Variants in TSPEAR observed in about 807,000 individuals in gnomAD.
TSPEAR encodes thrombospondin type laminin G domain and EAR repeats.
In TSPEAR, 69 loss-of-function variants were observed where a neutral mutation model predicts 71.6. That is an observed-to-expected ratio of 0.96 (90% CI 0.79 to 1.18). The LOEUF (loss-of-function observed/expected upper bound fraction) is 1.18, where lower values mean the gene tolerates loss of function less well. TSPEAR is among the 50% of genes most tolerant of loss of function. The probability of loss-of-function intolerance (pLI) is 0.00; values close to 1 mark genes in which losing one functional copy is unlikely to be tolerated. For synonymous variants in TSPEAR, 402 were observed against 387.2 expected, an observed-to-expected ratio of 1.04 and a Z score of -0.45; for missense variants, 971 against 894.9, an observed-to-expected ratio of 1.09 and a Z score of -1.09.
chr21:44,564,505 A>C (rs1481917820), intron 2 of TSPEAR, among the ~76,000 whole-genome samples: 1 of 152,188 alleles, frequency 6.6e-6, no homozygotes, highest in Non-Finnish European at 1.5e-5. Context: ...CGATAAAATA[A>C]ATTTTAAAAC....
rs1980130224 is a variant in TSPEAR, at chr21:44,593,362, G to A, written c.83-25357C>T. Among the ~76,000 whole-genome samples the A allele has an allele frequency of 1.3e-5, 2 of 152,154 alleles. No homozygotes were observed. Among genetic ancestry groups the A allele is most frequent in the African/African-American group, 4.8e-5 (2 of 41,432 alleles). On this transcript the variant is annotated intron_variant, in intron 1 of 11. Transcript: ENST00000323084. This position sits in a 1 kb window ranked among gnomAD's most constrained non-coding sequence, Gnocchi z 5.9. ...GCCCTGTCTTCCAAGCCCTGTGCCA[G>A]GCCTCTTAGTGTCACCACCTTAAAA...
At chr21:44,641,414 T>TA (rs1984013663) in intron 1 of TSPEAR, among the ~76,000 whole-genome samples, 1 of 152,132 alleles carries the variant, frequency 6.6e-6, no homozygotes, top group African/African-American at 2.4e-5. Context: ...GCAGAATTGC[T>TA]GATACAGTGA....
At chr21:44,697,186 C>T in intron 1 of TSPEAR, 2 of 1,610,210 alleles carry the variant, frequency 1.2e-6, no homozygotes, top group Non-Finnish European at 1.7e-6. Context: ...CAACCCCCAG[C>T]ACGGCTGCAT....
At chr21:44,705,686 G>A (rs1355017247) in intron 1 of TSPEAR, among the ~76,000 whole-genome samples, 1 of 152,072 alleles carries the variant, frequency 6.6e-6, no homozygotes, top group Non-Finnish European at 1.5e-5. Context: ...AATAAATTTT[G>A]GTCAGACCGG....
intron 11 of TSPEAR, among the ~76,000 whole-genome samples, chr21:44,500,371 G>A (rs1415289930): frequency 1.3e-5 from 2 of 152,210 alleles, no homozygotes; most frequent in Non-Finnish European, 2.9e-5. Flanking sequence ...GCGGCCCCAC[G>A]TCAGGGGCTG....
chr21:44,584,544 T>C (rs1601447133), intron 1 of TSPEAR, among the ~76,000 whole-genome samples: 2 of 152,244 alleles, frequency 1.3e-5, no homozygotes, highest in East Asian at 3.8e-4. Flanking sequence ...AGTTTTTCTT[T>C]AACATAGGCA....
At chr21:44,626,549 TC>T (rs1982795224) in intron 1 of TSPEAR, among the ~76,000 whole-genome samples, 3 of 152,206 alleles carry the variant, frequency 2.0e-5, no homozygotes, top group African/African-American at 4.8e-5. Context: ...GAGCCCACGA[TC>T]CCTGCCCTGG....
Position 44,522,028 on chromosome 21 carries a change from G to A in TSPEAR, c.1421C>T (p.Ser474Phe). Reference protein sequence around the residue: ...LFEANQTIATSGAYDWEFFSV... With the variant: ...LFEANQTIATFGAYDWEFFSV... ...GAAGAACTCCCAGTCGTAGGCGCCG[G>A]AGGTGGCGATGGTCTGGTTGGCCTC... The change falls in exon 9 of 12, where the codon TCC becomes TTC. Residue 474 changes from serine to phenylalanine, a missense_variant. Transcript: ENST00000323084. 6.2e-7 allele frequency: 1 copy of A among 1,614,204 alleles called. No individual in the cohort carries two copies. Among genetic ancestry groups the A allele is most frequent in the Non-Finnish European group, 8.5e-7 (1 of 1,180,024 alleles).
At chr21:44,680,890 G>A (rs1986550724) in intron 1 of TSPEAR, among the ~76,000 whole-genome samples, 1 of 152,198 alleles carries the variant, frequency 6.6e-6, no homozygotes, top group Non-Finnish European at 1.5e-5. Flanking sequence ...AGTGAGTTTG[G>A]TTAATGGGTA....
intron 9 of TSPEAR, among the ~76,000 whole-genome samples, chr21:44,513,199 C>T (rs1335013702): frequency 1.3e-5 from 2 of 152,210 alleles, no homozygotes; most frequent in Non-Finnish European, 2.9e-5. Flanking sequence ...CGGTCATTGT[C>T]ATTGGCTATT....
chr21:44,539,538 C>T lies in TSPEAR; in HGVS notation c.304-5615G>A, dbSNP rs200992131. ...TGCTGGCAGCATGAAGTGGAAGCCC[C>T]AGAGCAGACGGGCACACAGCAGATG... On this transcript the variant is annotated intron_variant, in intron 2 of 11. Transcript: ENST00000323084. 1,017 of 1,612,712 alleles carry T rather than the reference C, an allele frequency of 6.3e-4. 1 individual carries two copies. Among genetic ancestry groups the T allele is most frequent in the Non-Finnish European group, 8.2e-4 (965 of 1,179,588 alleles).
rs782515726 is a variant in TSPEAR at position 44,627,282 on chromosome 21, C to T, written c.83-59277G>A. On this transcript the variant is annotated intron_variant, in intron 1 of 11. Coordinates refer to ENST00000323084, the MANE Select transcript of TSPEAR (RefSeq NM_144991.3). ...CCCCCTGCTGCGCCACCAGCTGCTGCGCCCCGGCCCCCTGCCTGACCCTGG... is the reference window on the plus strand; with the variant it reads ...CCCCCTGCTGCGCCACCAGCTGCTGTGCCCCGGCCCCCTGCCTGACCCTGG... 68 of 1,612,372 alleles carry T rather than the reference C, an allele frequency of 4.2e-5. No individual in the cohort carries two copies. In the East Asian group the frequency reaches 9.8e-4, roughly 23 times the overall value.
chr21:44,670,406 G>C (rs1985999938), intron 1 of TSPEAR, among the ~76,000 whole-genome samples: 1 of 152,122 alleles, frequency 6.6e-6, no homozygotes, highest in Non-Finnish European at 1.5e-5. Flanking sequence ...ACATCTGAGA[G>C]AGACACTGGA....
chr21:44,543,470 G>A (rs781998872), intron 2 of TSPEAR, among the ~76,000 whole-genome samples: 2 of 152,164 alleles, frequency 1.3e-5, no homozygotes, highest in Non-Finnish European at 2.9e-5. Context: ...GTAGATGCTA[G>A]TACTTGGCCG....
chr21:44,508,607 A>G, intron 10 of TSPEAR: 1 of 1,181,354 alleles, frequency 8.5e-7, no homozygotes, highest in Non-Finnish European at 1.1e-6. Flanking sequence ...CCACTGTCCA[A>G]AATGTGGTGC....
At chr21:44,602,683 G>A (rs587648674) in intron 1 of TSPEAR, among the ~76,000 whole-genome samples, 5 of 152,364 alleles carry the variant, frequency 3.3e-5, no homozygotes, top group Admixed American at 6.5e-5. Flanking sequence ...AGCTGCTCAC[G>A]TGACCAGTCC....
chr21:44,531,401 T>C (rs939726321), intron 3 of TSPEAR, among the ~76,000 whole-genome samples: 2 of 152,208 alleles, frequency 1.3e-5, no homozygotes, highest in East Asian at 3.8e-4. Context: ...CCCCGTGACC[T>C]GTGGCCATGT....
intron 1 of TSPEAR, among the ~76,000 whole-genome samples, chr21:44,621,238 T>C (rs1982411635): frequency 1.3e-5 from 2 of 152,216 alleles, no homozygotes; most frequent in Admixed American, 6.5e-5. Context: ...TCTGTTATTT[T>C]ATACTTTTTT....
intron 1 of TSPEAR, chr21:44,591,397 G>T: frequency 6.2e-7 from 1 of 1,606,488 alleles, no homozygotes; most frequent in East Asian, 2.2e-5. Context: ...TCAGCAGCTG[G>T]ACTTCTGGCC....
Sources: allele counts gnomAD v4.1 joint callset (sites outside exome capture counted in the v4.1 genomes callset), GRCh38; gene constraint gnomAD v4.1.1; non-coding constraint Gnocchi (gnomAD v3.1); transcripts MANE v1.5; gene names NCBI Gene and HGNC (gene_info 2026-07-23, HGNC 2026-07-21).